POMGNT1: variants seen among roughly 807,000 people sequenced by gnomAD.
POMGNT1 encodes protein O-linked mannose N-acetylglucosaminyltransferase 1 (beta 1,2-).
POMGNT1 carries 67 observed loss-of-function variants against 95.6 expected under a neutral mutation model. The observed-to-expected ratio is 0.70, with a 90% confidence interval of 0.58 to 0.86. The LOEUF is 0.86. Among genes scored for constraint, POMGNT1 ranks in the 40% least tolerant of loss-of-function variants. The pLI is 0.00. For missense variants in POMGNT1, 719 were observed against 855.2 expected (o/e 0.84, Z 1.99); for synonymous variants, 298 against 317.9 (o/e 0.94, Z 0.66).
chr1:46,213,641 G>A (rs1658972793), intron 1 of POMGNT1, among the ~76,000 whole-genome samples: 1 of 152,062 alleles, frequency 6.6e-6, no homozygotes, highest in Admixed American at 6.6e-5. Context: ...AGGAGTTTGA[G>A]CCTGGGAGTT....
At chr1:46,198,036 G>A (rs774933730) in intron 1 of POMGNT1, 165 bp from the exon 2 acceptor site, 18 of 644,394 alleles carry the variant, frequency 2.8e-5, no homozygotes, top group Non-Finnish European at 4.4e-5. Context: ...AAACCCTTCA[G>A]TGGGGTTGGA....
intron 1 of POMGNT1, among the ~76,000 whole-genome samples, chr1:46,205,803 C>G (rs1317858866): frequency 6.6e-6 from 1 of 152,220 alleles, no homozygotes. Flanking sequence ...TCTTCTTGTG[C>G]TCTGCCCTGC....
chr1:46,214,351 G>GA (rs57471712), intron 1 of POMGNT1, among the ~76,000 whole-genome samples: 30,794 of 127,346 alleles, frequency 0.24, 3,207 homozygotes, highest in Admixed American at 0.29. Flanking sequence ...GTCTCAAAAA[G>GA]AAAAAAAAAA....
At chr1:46,195,449 CT>C in intron 6 of POMGNT1, 3 of 379,552 alleles carry the variant, frequency 7.9e-6, no homozygotes, top group Non-Finnish European at 1.5e-5. Context: ...GTCCCCTCCC[CT>C]CTATCATTCA....
chr1:46,189,623 C>A, intron 20 of POMGNT1, 56 bp from the exon 21 acceptor site: 1 of 1,572,272 alleles, frequency 6.4e-7, no homozygotes, highest in Admixed American at 1.9e-5. Context: ...AGGGAGGGGT[C>A]ACTGACGACC....
In POMGNT1 at chr1:46,192,554, A is replaced by G. The variant is rs756939646; in HGVS notation, c.1248T>C (p.Asp416=). Residue 416 remains aspartate (D), a synonymous_variant, in exon 15 of 22, where the codon GAT becomes GAC. Transcript: ENST00000371984. ...LSQSIHLLEE[D]DSLYCISAWN... is the part of the protein sequence containing the mutation. ...AGGCAGAGATGCAGTACAGGCTGTCATCCTCCTCCAGTAGGTGGATGGATT... is the reference window on the plus strand; with the variant it reads ...AGGCAGAGATGCAGTACAGGCTGTCGTCCTCCTCCAGTAGGTGGATGGATT... The G allele has an allele frequency of 3.1e-6, 5 of 1,614,178 alleles. No homozygotes were observed. In the South Asian group the frequency reaches 5.5e-5, roughly 18 times the overall value.
intron 1 of POMGNT1, among the ~76,000 whole-genome samples, chr1:46,212,315 A>G (rs1571687667): frequency 6.9e-6 from 1 of 144,366 alleles, no homozygotes; most frequent in Non-Finnish European, 1.5e-5. Flanking sequence ...GAGTCTTGCT[A>G]TGTCATCCAG....
In POMGNT1 at chr1:46,197,827, A is replaced by C; in HGVS notation, c.-6T>G. The stretch of plus-strand genomic sequence containing the variant: ...CTGGGCTTCCAGTCGTCCATACCGG[A>C]TTGGCGGGTCACCAATGTCCTGGCC... On this transcript the variant is annotated 5_prime_UTR_variant, in exon 2 of 22. Transcript: ENST00000371984. 2 of 1,613,868 alleles carry C rather than the reference A, an allele frequency of 1.2e-6. No homozygotes were observed. The highest frequency in any genetic ancestry group is 1.1e-5 in the South Asian group (1 of 91,064).
intron 19 of POMGNT1, 114 bp from the exon 20 acceptor site, chr1:46,190,103 T>TC: frequency 1.6e-6 from 2 of 1,265,620 alleles, no homozygotes; most frequent in Non-Finnish European, 2.1e-6. Context: ...AGTTCTTTTT[T>TC]TTTTTTTTTT....
chr1:46,198,719 C>T (rs1278690911), upstream of POMGNT1, among the ~76,000 whole-genome samples: 2 of 152,168 alleles, frequency 1.3e-5, no homozygotes, highest in African/African-American at 2.4e-5. Flanking sequence ...TGGACCAGAT[C>T]ACAGGGCACG....
At chr1:46,204,342 A>G (rs972811544) in intron 1 of POMGNT1, among the ~76,000 whole-genome samples, 1 of 151,984 alleles carries the variant, frequency 6.6e-6, no homozygotes, top group Non-Finnish European at 1.5e-5. Context: ...CCCTTTCTCT[A>G]TTGCTGCTGG....
intron 1 of POMGNT1, among the ~76,000 whole-genome samples, chr1:46,217,174 A>G (rs776534625): frequency 6.6e-6 from 1 of 152,202 alleles, no homozygotes; most frequent in Non-Finnish European, 1.5e-5. Flanking sequence ...CAAGATGATA[A>G]TGGAGGGAGA....
intron 1 of POMGNT1, among the ~76,000 whole-genome samples, chr1:46,212,103 C>A (rs973841539): frequency 6.6e-6 from 1 of 152,054 alleles, no homozygotes; most frequent in African/African-American, 2.4e-5. Flanking sequence ...TCTGGTTTAT[C>A]ATAGATGTGA....
In POMGNT1 at chr1:46,188,740, G is replaced by C. The variant is rs1267842600; in HGVS notation, c.*530C>G. 1.9e-6 allele frequency: 3 copies of C among 1,609,452 alleles called. No homozygotes were observed. On this transcript the variant is annotated 3_prime_UTR_variant, in exon 22 of 22. Coordinates refer to ENST00000371984, the MANE Select transcript of POMGNT1 (RefSeq NM_017739.4). Reference sequence around the variant, plus strand: ...CAACTTATCCAGCTTTGGAAATCTGGACAAAGAGAAGGCTGAGAGGAGGCC... The same window carrying C: ...CAACTTATCCAGCTTTGGAAATCTGCACAAAGAGAAGGCTGAGAGGAGGCC...
intron 1 of POMGNT1, among the ~76,000 whole-genome samples, chr1:46,214,285 G>A (rs1658993212): frequency 6.6e-6 from 1 of 151,490 alleles, no homozygotes; most frequent in Admixed American, 6.6e-5. Context: ...GGTAGAGGTT[G>A]CAGTGAGCCG....
chr1:46,197,859 T>C lies in POMGNT1; in HGVS notation c.-38A>G. 1 of 1,612,974 alleles carries C rather than the reference T, an allele frequency of 6.2e-7. No individual in the cohort carries two copies. Among genetic ancestry groups the C allele is most frequent in the South Asian group, 1.1e-5 (1 of 91,026 alleles). The stretch of plus-strand genomic sequence containing the variant: ...GGTCACCAATGTCCTGGCCAGCCCA[T>C]GACTTCAGGAATCTGAAGGGACCAG... On this transcript the variant is annotated 5_prime_UTR_variant, in exon 2 of 22. The change abolishes an upstream ATG in the 5' untranslated region. Coordinates refer to ENST00000371984, the MANE Select transcript of POMGNT1 (RefSeq NM_017739.4).
intron 1 of POMGNT1, among the ~76,000 whole-genome samples, chr1:46,209,089 A>G (rs1267978656): frequency 6.6e-6 from 1 of 152,042 alleles, no homozygotes; most frequent in Non-Finnish European, 1.5e-5. Context: ...CAATGGCGCA[A>G]TCTTGGCTCA....
Position 46,213,859 on chromosome 1 carries a change from G to GA in POMGNT1, c.-51+5845dup, listed in dbSNP as rs111362838. 7.6e-3 allele frequency among the ~76,000 whole-genome samples: 1,074 copies of GA among 140,570 alleles called. 11 individuals carry two copies. Among genetic ancestry groups the GA allele is most frequent in the African/African-American group, 0.023 (902 of 38,574 alleles). The allele number at this position is 140,570 out of a possible 152,430, so 92.2% of individuals were successfully genotyped here. ...AATATGGGGAATATGATTAACTCAA[G>GA]AAAAAAAAAAAAGATACAGACTTTA... On this transcript the variant is annotated intron_variant, in intron 1 of 22. Coordinates refer to the POMGNT1 transcript ENST00000371992.
chr1:46,214,938 T>C (rs1659019339), intron 1 of POMGNT1, among the ~76,000 whole-genome samples: 1 of 135,032 alleles, frequency 7.4e-6, no homozygotes, highest in African/African-American at 2.8e-5. Context: ...AGTATAGAAA[T>C]AGATGTGACT....
Sources: allele counts gnomAD v4.1 joint callset (sites outside exome capture counted in the v4.1 genomes callset), GRCh38; gene constraint gnomAD v4.1.1; transcripts MANE v1.5; gene names NCBI Gene and HGNC (gene_info 2026-07-23, HGNC 2026-07-21).